Variants in PCDHGA7 observed in about 807,000 individuals in gnomAD.
PCDHGA7 encodes protocadherin gamma-A7.
Under a neutral mutation model 58.3 loss-of-function variants are expected in PCDHGA7, and 44 were observed. The observed-to-expected ratio is 0.75, with a 90% confidence interval of 0.59 to 0.97. The LOEUF (loss-of-function observed/expected upper bound fraction) is 0.97. PCDHGA7 is among the 50% of genes least tolerant of loss of function. The pLI, the probability that PCDHGA7 is intolerant of heterozygous loss-of-function variation, is 0.00. For missense variants in PCDHGA7, 1,266 were observed against 1,188.7 expected, an observed-to-expected ratio of 1.06 and a Z score of -0.96; for synonymous variants, 516 against 504.2, an observed-to-expected ratio of 1.02 and a Z score of -0.31.
In PCDHGA7 at chr5:141,485,089, G is replaced by C; in HGVS notation, c.2425-9718G>C. 9.7e-7 allele frequency: 1 copy of C among 1,027,236 alleles called. No individual in the cohort carries two copies. The highest frequency in any genetic ancestry group is 1.5e-6 in the Non-Finnish European group (1 of 674,564). The allele number at this position is 1,027,236 out of a possible 1,614,324, so 63.6% of individuals were successfully genotyped here. On this transcript the variant is annotated intron_variant, in intron 1 of 3. Coordinates refer to ENST00000518325, the MANE Select transcript of PCDHGA7 (RefSeq NM_018920.4). This position sits in a 1 kb window ranked among gnomAD's most constrained non-coding sequence, Gnocchi z 5.7. ...GAGCTGGCGCGGGGAAAGGGAGATA[G>C]GTGTCTCCAGCTGCTGTGGCTGTTT... is the stretch of plus-strand genomic sequence containing the variant.
At chr5:141,404,112 A>G (rs372014000) in intron 1 of PCDHGA7, 3 of 1,613,380 alleles carry the variant, frequency 1.9e-6, no homozygotes, top group Non-Finnish European at 2.5e-6. Context: ...TGTTCTATCC[A>G]GGAGAATCTA....
intron 1 of PCDHGA7, chr5:141,387,691 G>C (rs1032902954): frequency 3.3e-5 from 28 of 840,822 alleles, no homozygotes; most frequent in Non-Finnish European, 4.7e-5. Context: ...GCCGCAGCGC[G>C]CTTTCCAGGG....
At position 141,511,130 on chromosome 5, in the gene PCDHGA7, G is replaced by A. The variant is rs777082914; in HGVS notation, c.2756G>A (p.Gly919Asp). ...GKRDGKAPAG[G>D]NGNKKKSGKK... ...CGGGATGGCAAGGCCCCAGCAGGTG[G>A]CAATGGCAACAAGAAGAAGTCGGGC... The change falls in exon 4 of 4, where the codon GGC (glycine) becomes GAC (aspartate). Residue 919 changes from glycine (G) to aspartate (D), a missense_variant. Coordinates refer to ENST00000518325, the MANE Select transcript of PCDHGA7 (RefSeq NM_018920.4). 6.2e-7 allele frequency: 1 copy of A among 1,614,210 alleles called. No homozygotes were observed. The highest frequency in any genetic ancestry group is 1.1e-5 in the South Asian group (1 of 91,090).
In PCDHGA7 at chr5:141,511,925, G is replaced by C. The variant is rs2099884008; in HGVS notation, c.*752G>C. 1 of 155,320 alleles carries C rather than the reference G, an allele frequency of 6.4e-6. No homozygotes were observed. Among genetic ancestry groups the C allele is most frequent in the Admixed American group, 6.3e-5 (1 of 15,924 alleles). 9.6% of individuals were successfully genotyped at this position (155,320 alleles called of 1,614,324 possible). A position where few individuals can be genotyped will look rare whatever the true frequency, so the allele number is the denominator to read the frequency against. ...CCTCAAACAAGAGACTCCACTGCAT[G>C]TTCCAAGACAGTATGGGGTGGTAAG... On this transcript the variant is annotated 3_prime_UTR_variant, in exon 4 of 4. Coordinates refer to ENST00000518325, the MANE Select transcript of PCDHGA7 (RefSeq NM_018920.4).
At position 141,400,328 on chromosome 5, in the gene PCDHGA7, T is replaced by A. The variant is rs754904671; in HGVS notation, c.2424+15005T>A. ...GGTCTCTGTGTCAAGTCTGGACCTG[T>A]GGTTCCCCCCAACTACAGTCAGGGG... On this transcript the variant is annotated intron_variant, in intron 1 of 3. Coordinates refer to ENST00000518325, the MANE Select transcript of PCDHGA7 (RefSeq NM_018920.4). 80 of 1,613,976 alleles carry A rather than the reference T, an allele frequency of 5.0e-5. No homozygotes were observed. Among genetic ancestry groups the A allele is most frequent in the Non-Finnish European group, 6.4e-5 (76 of 1,179,916 alleles).
intron 1 of PCDHGA7, chr5:141,417,547 G>C (rs756455730): frequency 9.7e-5 from 31 of 318,264 alleles, no homozygotes; most frequent in Non-Finnish European, 1.5e-4. Flanking sequence ...AAAATTCCTT[G>C]AAAGAGGTAG....
intron 1 of PCDHGA7, among the ~76,000 whole-genome samples, chr5:141,488,563 C>T (rs1352750895): frequency 1.3e-5 from 2 of 152,134 alleles, no homozygotes; most frequent in Admixed American, 6.6e-5. Flanking sequence ...TTGAGATTTC[C>T]GCAAAGCATT....
At position 141,490,359 on chromosome 5, in the gene PCDHGA7, T is replaced by A; in HGVS notation, c.2425-4448T>A. On this transcript the variant is annotated intron_variant, in intron 1 of 3. Coordinates refer to ENST00000518325, the MANE Select transcript of PCDHGA7 (RefSeq NM_018920.4). The surrounding 1 kb of genome is among the most constrained non-coding windows in gnomAD (Gnocchi z 5.4). ...TGGGCACAGTAGTGGGGTTGTTTAA[T>A]GTGCGAGACCGGGACTCAGGTAGAA... 6.2e-7 allele frequency: 1 copy of A among 1,614,212 alleles called. No individual in the cohort carries two copies. The highest frequency in any genetic ancestry group is 8.5e-7 in the Non-Finnish European group (1 of 1,180,036).
At chr5:141,478,127 C>A (rs1323163663) in intron 1 of PCDHGA7, 1 of 1,614,106 alleles carries the variant, frequency 6.2e-7, no homozygotes, top group South Asian at 1.1e-5. Flanking sequence ...CGAGGACTCT[C>A]CTGAAGCCCG....
At chr5:141,502,880 T>TTTTTTTTTTG (rs2099816747) in intron 2 of PCDHGA7, among the ~76,000 whole-genome samples, 1 of 151,000 alleles carries the variant, frequency 6.6e-6, no homozygotes, top group African/African-American at 2.4e-5. Context: ...TTTTTTTTTT[T>TTTTTTTTTTG]GACAGGGAGT....
chr5:141,488,751 C>T (rs1185515068), intron 1 of PCDHGA7, among the ~76,000 whole-genome samples: 1 of 152,154 alleles, frequency 6.6e-6, no homozygotes, highest in Non-Finnish European at 1.5e-5. Context: ...CAGGAAGTTG[C>T]TGGGACAGAA....
intron 1 of PCDHGA7, chr5:141,427,201 A>G (rs1272966114): frequency 4.4e-6 from 2 of 456,618 alleles, no homozygotes; most frequent in African/African-American, 4.0e-5. Flanking sequence ...GACTTAATAG[A>G]CTTCGAATTT....
chr5:141,404,159 A>C, intron 1 of PCDHGA7: 1 of 1,613,114 alleles, frequency 6.2e-7, no homozygotes, highest in South Asian at 1.1e-5. Flanking sequence ...AGATTATTAC[A>C]GATTGTTGAC....
At position 141,450,006 on chromosome 5, in the gene PCDHGA7, C is replaced by CTTTTT. The variant is rs1554136305; in HGVS notation, c.2425-44787_2425-44783dup. ...CACATTGCATTTAGTTGCCATGTCTCTTTTTTTTTTTTTTTTTTGAGACAG... is the reference window on the plus strand; with the variant it reads ...CACATTGCATTTAGTTGCCATGTCTCTTTTTTTTTTTTTTTTTTTTTTTGAGACAG... On this transcript the variant is annotated intron_variant, in intron 1 of 3. Transcript: ENST00000518325. Among the ~76,000 whole-genome samples the CTTTTT allele has an allele frequency of 3.4e-4, 45 of 132,908 alleles. 3 individuals carry two copies. Among genetic ancestry groups the CTTTTT allele is most frequent in the South Asian group, 7.1e-4 (3 of 4,236 alleles). 87.2% of individuals were successfully genotyped at this position (132,908 alleles called of 152,430 possible).
chr5:141,484,960 C>A, intron 1 of PCDHGA7: 1 of 577,142 alleles, frequency 1.7e-6, no homozygotes, highest in Non-Finnish European at 3.1e-6. Flanking sequence ...TTGGCTGAGC[C>A]CGGGAGCCGC....
chr5:141,393,534 G>T, intron 1 of PCDHGA7: 1 of 1,613,928 alleles, frequency 6.2e-7, no homozygotes, highest in Non-Finnish European at 8.5e-7. Context: ...CAATGCCCCG[G>T]TTTTTCCTCA....
intron 1 of PCDHGA7, chr5:141,441,982 G>T: frequency 3.6e-6 from 1 of 277,096 alleles, no homozygotes; most frequent in South Asian, 3.6e-5. Flanking sequence ...CCTGGAATGC[G>T]CACCGACGAG....
At chr5:141,448,223 T>C (rs1377619033) in intron 1 of PCDHGA7, among the ~76,000 whole-genome samples, 1 of 152,204 alleles carries the variant, frequency 6.6e-6, no homozygotes, top group Non-Finnish European at 1.5e-5. Context: ...TGCGAATGTA[T>C]GTGTGGGGTT....
At chr5:141,404,530 A>C in intron 1 of PCDHGA7, 1 of 1,614,008 alleles carries the variant, frequency 6.2e-7, no homozygotes, top group Non-Finnish European at 8.5e-7. Flanking sequence ...AGCAGTTTAG[A>C]GATTTGCAAA....
Sources: gnomAD v4.1 joint callset for allele counts (sites outside exome capture counted in the v4.1 genomes callset) on GRCh38, gnomAD v4.1.1 for gene constraint, Gnocchi (gnomAD v3.1) non-coding constraint, MANE v1.5 for transcripts, NCBI Gene and HGNC (gene_info 2026-07-23, HGNC 2026-07-21) for gene names.